AGBL2: variants seen among roughly 807,000 people sequenced by gnomAD.
The protein encoded by AGBL2 is cytosolic carboxypeptidase 2.
A neutral mutation model predicts 103.0 loss-of-function variants in AGBL2; 87 were observed. That is an observed-to-expected ratio of 0.84 (90% CI 0.71 to 1.01). The LOEUF is 1.01. Among genes scored for constraint, AGBL2 ranks in the 50% least tolerant of loss-of-function variants. The pLI is 0.00. For synonymous variants in AGBL2, 335 were observed against 356.7 expected (o/e 0.94, Z 0.69); for missense variants, 904 against 1,023.5 (o/e 0.88, Z 1.59).
intron 10 of AGBL2, among the ~76,000 whole-genome samples, chr11:47,687,613 C>T (rs1348493446): frequency 1.3e-5 from 2 of 151,552 alleles, no homozygotes; most frequent in African/African-American, 2.4e-5. Flanking sequence ...CTCCTGCTTT[C>T]GCCATATGAT....
chr11:47,699,662 A>T, intron 7 of AGBL2, 109 bp from the exon 8 acceptor site: 1 of 573,024 alleles, frequency 1.7e-6, no homozygotes, highest in Non-Finnish European at 2.9e-6. Flanking sequence ...GTTTGGTTGA[A>T]TCAAACCAAA....
intron 9 of AGBL2, 91 bp from the exon 10 acceptor site, chr11:47,690,949 G>A (rs893272926): frequency 1.9e-6 from 2 of 1,033,982 alleles, no homozygotes; most frequent in African/African-American, 3.2e-5. Context: ...GGTAAAAACA[G>A]GTCTTATTAC....
intron 17 of AGBL2, among the ~76,000 whole-genome samples, chr11:47,664,578 AT>A (rs1357836653): frequency 6.6e-6 from 1 of 151,510 alleles, no homozygotes; most frequent in African/African-American, 2.4e-5. Flanking sequence ...CGCCCAGCTA[AT>A]TTTTTGTATT....
At chr11:47,679,944 C>T in intron 13 of AGBL2, 29 bp downstream of exon 13, 2 of 1,426,904 alleles carry the variant, frequency 1.4e-6, no homozygotes, top group Non-Finnish European at 2.0e-6. Context: ...GCCTGGCCTT[C>T]ATCACATTTC....
chr11:47,673,797 A>C (rs1204832000), intron 14 of AGBL2, among the ~76,000 whole-genome samples: 1 of 145,808 alleles, frequency 6.9e-6, no homozygotes, highest in Non-Finnish European at 1.5e-5. Flanking sequence ...CCATCTCAAA[A>C]AAAAAAAAAA....
At chr11:47,669,857 C>T (rs1225994002) in intron 14 of AGBL2, among the ~76,000 whole-genome samples, 9 of 152,110 alleles carry the variant, frequency 5.9e-5, no homozygotes, top group South Asian at 4.1e-4. Flanking sequence ...ATGATCCTCC[C>T]GCCTCGGCCT....
chr11:47,683,278 C>T (rs950703253), intron 11 of AGBL2, among the ~76,000 whole-genome samples: 4 of 151,676 alleles, frequency 2.6e-5, no homozygotes, highest in African/African-American at 9.7e-5. Flanking sequence ...GAGGCTGAGG[C>T]AGGAGAATTA....
At chr11:47,678,976 A>G (rs1043474280) in intron 13 of AGBL2, among the ~76,000 whole-genome samples, 6 of 135,942 alleles carry the variant, frequency 4.4e-5, no homozygotes, top group African/African-American at 1.7e-4. Context: ...GGAGAATTGC[A>G]TGATCCTGGG....
At chr11:47,706,431 C>A (rs2097519700) in intron 4 of AGBL2, among the ~76,000 whole-genome samples, 1 of 152,052 alleles carries the variant, frequency 6.6e-6, no homozygotes, top group Admixed American at 6.6e-5. Flanking sequence ...CAGGAGAATG[C>A]CGTGAACCCG....
intron 16 of AGBL2, 36 bp downstream of exon 16, chr11:47,667,523 GAATGGTCTGAAA>G (rs2153802743): frequency 1.2e-6 from 2 of 1,600,240 alleles, no homozygotes; most frequent in East Asian, 4.5e-5. Context: ...TCCCTCTATG[GAATGGTCTGAAA>G]CTAGACAGTA....
intron 14 of AGBL2, among the ~76,000 whole-genome samples, chr11:47,673,344 G>A (rs2097363049): frequency 6.6e-6 from 1 of 151,980 alleles, no homozygotes; most frequent in South Asian, 2.1e-4. Context: ...AAAATTAGAT[G>A]GCCGGGCGCA....
At chr11:47,712,832 T>A (rs2097539420) in intron 3 of AGBL2, among the ~76,000 whole-genome samples, 1 of 151,544 alleles carries the variant, frequency 6.6e-6, no homozygotes, top group Admixed American at 6.6e-5. Context: ...CTGAGGTCAG[T>A]TCGAGACCAG....
intron 14 of AGBL2, among the ~76,000 whole-genome samples, chr11:47,673,793 CAAAA>C (rs66460144): frequency 1.3e-5 from 1 of 75,874 alleles, no homozygotes; most frequent in Non-Finnish European, 2.3e-5. Flanking sequence ...GACTCCATCT[CAAAA>C]AAAAAAAAAA....
rs1000352185 is a variant in AGBL2, at chr11:47,666,628, A to G, written c.2448+328T>C. ...GGGACTGGCATGTAGTAGGTGCCCAATAAAATTCATTGATTTATTTTAAAA... is the reference window on the plus strand; with the variant it reads ...GGGACTGGCATGTAGTAGGTGCCCAGTAAAATTCATTGATTTATTTTAAAA... On this transcript the variant is annotated intron_variant, in intron 17 of 18. Transcript: ENST00000525123. The G allele has an allele frequency of 2.4e-5, 13 of 546,520 alleles. 1 individual carries two copies. The highest frequency in any genetic ancestry group is 1.5e-4 in the Admixed American group (4 of 27,148). 33.9% of individuals were successfully genotyped at this position (546,520 alleles called of 1,614,324 possible). A position where few individuals can be genotyped will look rare whatever the true frequency, so the allele number is the denominator to read the frequency against.
intron 4 of AGBL2, among the ~76,000 whole-genome samples, chr11:47,709,047 G>A (rs974414880): frequency 2.6e-5 from 4 of 152,062 alleles, no homozygotes; most frequent in Admixed American, 6.6e-5. Context: ...GCTTGAACCC[G>A]GGAGGCAGAG....
chr11:47,671,243 G>A (rs558100829), intron 14 of AGBL2, among the ~76,000 whole-genome samples: 13 of 151,612 alleles, frequency 8.6e-5, no homozygotes, highest in African/African-American at 2.7e-4. Flanking sequence ...GGCCAGGCGC[G>A]GTGGCTCATG....
At chr11:47,700,814 C>A (rs889005588) in intron 7 of AGBL2, among the ~76,000 whole-genome samples, 6 of 152,102 alleles carry the variant, frequency 3.9e-5, no homozygotes, top group Non-Finnish European at 8.8e-5. Flanking sequence ...GTAATCCCAG[C>A]ACTTTGGGAG....
intron 12 of AGBL2, among the ~76,000 whole-genome samples, chr11:47,681,498 C>T (rs1239711866): frequency 3.9e-5 from 6 of 152,098 alleles, no homozygotes; most frequent in Admixed American, 2.6e-4. Flanking sequence ...GACAGAGTCT[C>T]GCTCTGTCAC....
At chr11:47,662,964 T>C in intron 18 of AGBL2, 62 bp downstream of exon 18, 1 of 1,321,570 alleles carries the variant, frequency 7.6e-7, no homozygotes, top group Non-Finnish European at 1.1e-6. Context: ...CATAATACAT[T>C]TGAGAACTAA....
Sources: allele counts gnomAD v4.1 joint callset (sites outside exome capture counted in the v4.1 genomes callset), GRCh38; gene constraint gnomAD v4.1.1; transcripts MANE v1.5; gene names NCBI Gene and HGNC (gene_info 2026-07-23, HGNC 2026-07-21).